The following VPS41 variants were observed in gnomAD, a reference collection of about 807,000 sequenced individuals.
VPS41 encodes vacuolar protein sorting-associated protein 41 homolog.
A neutral mutation model predicts 130.9 loss-of-function variants in VPS41; 85 were observed. The ratio of observed to expected loss-of-function variants is 0.65; its 90% CI spans 0.55 to 0.78. The LOEUF (loss-of-function observed/expected upper bound fraction) is 0.78. Ranked by LOEUF, VPS41 falls within the 30% of genes least tolerant of loss-of-function variation. The probability of loss-of-function intolerance (pLI) is 0.00; values close to 1 mark genes in which losing one functional copy is unlikely to be tolerated. For synonymous variants in VPS41, 335 were observed against 332.9 expected, an observed-to-expected ratio of 1.01 and a Z score of -0.07; for missense variants, 874 against 1,018.7, an observed-to-expected ratio of 0.86 and a Z score of 1.93.
At chr7:38,901,026 T>C (rs1787128727) in intron 1 of VPS41, among the ~76,000 whole-genome samples, 1 of 152,364 alleles carries the variant, frequency 6.6e-6, no homozygotes. Context: ...TCAGTGGTTT[T>C]CAAACTTTTT....
intron 22 of VPS41, among the ~76,000 whole-genome samples, chr7:38,749,745 T>A: frequency 6.6e-6 from 1 of 152,244 alleles, no homozygotes. Flanking sequence ...TGCGTTTAAT[T>A]GGAGAAATCC....
chr7:38,830,397 C>T, intron 4 of VPS41, 69 bp from the exon 5 acceptor site: 3 of 955,446 alleles, frequency 3.1e-6, no homozygotes. Context: ...AATGTCTTTG[C>T]TCTTTGTAAA....
chr7:38,879,471 G>A (rs894217147), intron 2 of VPS41, among the ~76,000 whole-genome samples: 3 of 152,036 alleles, frequency 2.0e-5, no homozygotes, highest in South Asian at 2.1e-4. Flanking sequence ...ACACTGAATC[G>A]TATTTTTGGA....
intron 7 of VPS41, among the ~76,000 whole-genome samples, chr7:38,802,575 G>A (rs762100065): frequency 5.3e-5 from 8 of 152,104 alleles, no homozygotes; most frequent in Non-Finnish European, 1.2e-4. Flanking sequence ...CCTAATCTCT[G>A]TGAATTTCAA....
At chr7:38,763,133 C>A (rs148952587) in intron 17 of VPS41, among the ~76,000 whole-genome samples, 1 of 152,078 alleles carries the variant, frequency 6.6e-6, no homozygotes, top group Non-Finnish European at 1.5e-5. Flanking sequence ...ACTCATAATT[C>A]TCTTTCTTCT....
At chr7:38,770,892 T>C (rs1265532012) in intron 14 of VPS41, among the ~76,000 whole-genome samples, 2 of 152,336 alleles carry the variant, frequency 1.3e-5, no homozygotes, top group Non-Finnish European at 2.9e-5. Flanking sequence ...AATTTTGTGA[T>C]AATGTGATTT....
chr7:38,828,356 A>C (rs1323630309), intron 5 of VPS41, among the ~76,000 whole-genome samples: 1 of 152,178 alleles, frequency 6.6e-6, no homozygotes, highest in African/African-American at 2.4e-5. Flanking sequence ...AACGGTGTAA[A>C]TTTTAAACAA....
At chr7:38,849,267 T>G (rs1317483388) in intron 4 of VPS41, among the ~76,000 whole-genome samples, 1 of 152,102 alleles carries the variant, frequency 6.6e-6, no homozygotes, top group African/African-American at 2.4e-5. Context: ...CGGCAGCATC[T>G]AGGGGTGAAT....
intron 13 of VPS41, 131 bp from the exon 14 acceptor site, chr7:38,771,385 A>T (rs183283104): frequency 2.9e-5 from 18 of 629,772 alleles, no homozygotes; most frequent in Non-Finnish European, 4.3e-5. Context: ...AGCATTCTGC[A>T]CTACACGAAT....
At chr7:38,895,748 C>A (rs998165365) in intron 2 of VPS41, among the ~76,000 whole-genome samples, 3 of 152,180 alleles carry the variant, frequency 2.0e-5, no homozygotes, top group African/African-American at 7.2e-5. Flanking sequence ...ATGCCTCCCC[C>A]ATCTCTGCCA....
chr7:38,822,740 A>T (rs1334827161), intron 5 of VPS41, among the ~76,000 whole-genome samples: 1 of 152,224 alleles, frequency 6.6e-6, no homozygotes, highest in African/African-American at 2.4e-5. Context: ...CACATTTAAT[A>T]GGCAAACCAT....
rs746299164 is a variant in VPS41, at chr7:38,789,878, A to T, written c.718-11T>A. ...CTTCACTGAGCACACCTGGAAAATA[A>T]GTTCGCAGGTTATTTTATTCATTTG... On this transcript the variant is annotated splice_polypyrimidine_tract_variant and intron_variant, in intron 9 of 28. Coordinates refer to ENST00000310301, the MANE Select transcript of VPS41 (RefSeq NM_014396.4). 9 of 1,613,286 alleles carry T rather than the reference A, an allele frequency of 5.6e-6. No individual in the cohort carries two copies. In the East Asian group the frequency reaches 1.8e-4, roughly 32 times the overall value.
intron 4 of VPS41, among the ~76,000 whole-genome samples, chr7:38,853,398 G>A (rs1017699727): frequency 6.7e-5 from 8 of 119,012 alleles, no homozygotes; most frequent in South Asian, 2.7e-4. Flanking sequence ...CAGCCTGGGC[G>A]ACAGAGCGAG....
At chr7:38,853,235 C>T (rs974020089) in intron 4 of VPS41, among the ~76,000 whole-genome samples, 33 of 151,904 alleles carry the variant, frequency 2.2e-4, no homozygotes, top group Non-Finnish European at 4.1e-4. Context: ...CTGGCTAACA[C>T]AGTGAAACCC....
At chr7:38,842,406 T>C (rs1785626852) in intron 4 of VPS41, among the ~76,000 whole-genome samples, 1 of 152,210 alleles carries the variant, frequency 6.6e-6, no homozygotes, top group African/African-American at 2.4e-5. Flanking sequence ...GTTGCTACCC[T>C]GTTTAAAGTA....
In VPS41 at chr7:38,726,035, C is replaced by T; in HGVS notation, c.*211G>A. 1.9e-6 allele frequency: 1 copy of T among 521,598 alleles called. No individual in the cohort carries two copies. The highest frequency in any genetic ancestry group is 3.4e-6 in the Non-Finnish European group (1 of 294,902). The allele number at this position is 521,598 out of a possible 1,614,324, so 32.3% of individuals were successfully genotyped here. ...TAAATAACAAAATATTCACTATGGA[C>T]CCCAAAATTTCAAGGCATGAAGAGA... On this transcript the variant is annotated 3_prime_UTR_variant, in exon 29 of 29. Transcript: ENST00000310301.
At chr7:38,748,215 G>A (rs1271804390) in intron 22 of VPS41, among the ~76,000 whole-genome samples, 2 of 152,054 alleles carry the variant, frequency 1.3e-5, no homozygotes, top group East Asian at 1.9e-4. Flanking sequence ...CAACACATGC[G>A]CGCGCGTGCG....
rs200532047 is a variant in VPS41 at position 38,771,205 on chromosome 7, T to A, written c.1178A>T (p.Lys393Met). 7 of 1,597,916 alleles carry A rather than the reference T, an allele frequency of 4.4e-6. No individual in the cohort carries two copies. In the Admixed American group the frequency reaches 1.2e-4, roughly 27 times the overall value. ...AACAAATTGCACACTTACCAGAATCTTATGTCTTTTAATATTTTTTTGGCT... is the reference window on the plus strand; with the variant it reads ...AACAAATTGCACACTTACCAGAATCATATGTCTTTTAATATTTTTTTGGCT... ...EISQKNIKRH[K>M]ILDIGLAYIN... Residue 393 changes from lysine to methionine, a missense_variant, in exon 14 of 29, where the codon AAG (lysine) becomes ATG (methionine). Lys to Met is a moderately conservative substitution (Grantham distance 95). Transcript: ENST00000310301.
At chr7:38,815,408 A>T (rs1785026148) in intron 7 of VPS41, among the ~76,000 whole-genome samples, 1 of 152,206 alleles carries the variant, frequency 6.6e-6, no homozygotes, top group South Asian at 2.1e-4. Flanking sequence ...TGGGCAACAG[A>T]GCAAGACTCC....
Sources: allele counts gnomAD v4.1 joint callset (sites outside exome capture counted in the v4.1 genomes callset), GRCh38; gene constraint gnomAD v4.1.1; transcripts MANE v1.5; gene names NCBI Gene and HGNC (gene_info 2026-07-23, HGNC 2026-07-21).